RPIA: variants seen among roughly 807,000 people sequenced by gnomAD.
The protein encoded by RPIA is ribose 5-phosphate isomerase A.
A neutral mutation model predicts 37.8 loss-of-function variants in RPIA; 29 were observed. The observed-to-expected ratio is 0.77, with a 90% confidence interval of 0.57 to 1.05. The LOEUF (loss-of-function observed/expected upper bound fraction) is 1.05, where lower values mean the gene tolerates loss of function less well. Among genes scored for constraint, RPIA ranks in the 50% least tolerant of loss-of-function variants. The probability of loss-of-function intolerance (pLI) is 0.00; values close to 1 mark genes in which losing one functional copy is unlikely to be tolerated. For missense variants in RPIA, 385 were observed against 413.6 expected (o/e 0.93, Z 0.60); for synonymous variants, 167 against 157.0 (o/e 1.06, Z -0.48).
intron 3 of RPIA, among the ~76,000 whole-genome samples, chr2:88,703,350 G>A (rs1332976017): frequency 6.6e-6 from 1 of 152,230 alleles, no homozygotes; most frequent in Non-Finnish European, 1.5e-5. Context: ...AGTTCTCCAT[G>A]AGAGCCCCAC....
intron 3 of RPIA, among the ~76,000 whole-genome samples, chr2:88,710,582 A>C (rs1177182012): frequency 6.6e-6 from 1 of 152,212 alleles, no homozygotes; most frequent in East Asian, 1.9e-4. Context: ...CCAGTTGTGC[A>C]CGTAAATAAT....
At position 88,719,347 on chromosome 2, in the gene RPIA, A is replaced by C. The variant is rs182744028; in HGVS notation, c.403-9931A>C. Among the ~76,000 whole-genome samples the C allele has an allele frequency of 4.3e-4, 66 of 152,300 alleles. No homozygotes were observed. The East Asian group carries it at 6.7e-3, about 16-fold the overall frequency. ...CCATAATTTTGGAACACATACCAAT[A>C]ACATTTATACAAATACAGCCCAGAG... On this transcript the variant is annotated intron_variant, in intron 3 of 8. Coordinates refer to ENST00000283646, the MANE Select transcript of RPIA (RefSeq NM_144563.3).
At chr2:88,716,613 C>T (rs746909831) in intron 3 of RPIA, among the ~76,000 whole-genome samples, 104 of 152,236 alleles carry the variant, frequency 6.8e-4, no homozygotes, top group East Asian at 1.4e-3. Context: ...TGGCCCATTC[C>T]GGTTAACTGT....
At chr2:88,717,254 G>T (rs2104103873) in intron 3 of RPIA, among the ~76,000 whole-genome samples, 1 of 152,312 alleles carries the variant, frequency 6.6e-6, no homozygotes, top group South Asian at 2.1e-4. Context: ...AGGTAATTTA[G>T]AAAGTTTATA....
chr2:88,709,743 T>A (rs1672939541), intron 3 of RPIA, among the ~76,000 whole-genome samples: 1 of 152,298 alleles, frequency 6.6e-6, no homozygotes, highest in Admixed American at 6.5e-5. Context: ...TCAATGGAAC[T>A]CATTTAAAAA....
At chr2:88,714,133 G>T (rs1411520478) in intron 3 of RPIA, among the ~76,000 whole-genome samples, 3 of 150,904 alleles carry the variant, frequency 2.0e-5, no homozygotes, top group African/African-American at 7.3e-5. Context: ...ATTAAATTAT[G>T]TCTGTTTTCT....
At chr2:88,700,122 G>C in intron 3 of RPIA, 58 bp downstream of exon 3, 1 of 1,558,322 alleles carries the variant, frequency 6.4e-7, no homozygotes, top group Admixed American at 1.7e-5. Context: ...CTGGTTCCCC[G>C]GGGTTGTGGA....
chr2:88,691,703 A>G lies in RPIA; in HGVS notation c.5A>G (p.Gln2Arg), dbSNP rs559380161. The G allele has an allele frequency of 1.7e-4, 268 of 1,570,802 alleles. 2 individuals are homozygous for G. In the East Asian group the frequency reaches 5.8e-3, roughly 34 times the overall value. Reference sequence around the variant, plus strand: ...AGGCCGGAGCGAGGCGTCGGGATGCAGCGCCCCGGGCCCTTCAGCACCCTC... The same window carrying G: ...AGGCCGGAGCGAGGCGTCGGGATGCGGCGCCCCGGGCCCTTCAGCACCCTC... M[Q>R]RPGPFSTLYG... Residue 2 changes from glutamine (Q) to arginine (R), a missense_variant, in exon 1 of 9, where the codon CAG becomes CGG. Gln to Arg is a conservative substitution (Grantham distance 43). Around this residue, in one of 2 missense-constraint regions of RPIA, gnomAD observed 232 missense variants for 203.0 expected, o/e 1.14. Transcript: ENST00000283646.
At chr2:88,696,918 G>T (rs114043765) in intron 1 of RPIA, among the ~76,000 whole-genome samples, 1 of 152,048 alleles carries the variant, frequency 6.6e-6, no homozygotes, top group African/African-American at 2.4e-5. Context: ...TGTTATAATG[G>T]CAATTAAATT....
chr2:88,698,357 T>C (rs1483685813), intron 1 of RPIA, 127 bp from the exon 2 acceptor site: 2 of 821,594 alleles, frequency 2.4e-6, no homozygotes, highest in Non-Finnish European at 4.3e-6. Flanking sequence ...ATAGGCACAG[T>C]ACCTGTCTTG....
chr2:88,707,169 G>A (rs770179714), intron 3 of RPIA, among the ~76,000 whole-genome samples: 8 of 152,144 alleles, frequency 5.3e-5, no homozygotes, highest in Non-Finnish European at 1.0e-4. Flanking sequence ...CTCCTTGTTA[G>A]TTGAGTAGTT....
At chr2:88,703,310 C>G (rs559319698) in intron 3 of RPIA, among the ~76,000 whole-genome samples, 1 of 152,226 alleles carries the variant, frequency 6.6e-6, no homozygotes, top group African/African-American at 2.4e-5. Context: ...GCTCCAACCC[C>G]ACATTTTCCA....
chr2:88,749,972 G>T lies in RPIA; in HGVS notation c.839-9G>T. 1 of 1,603,586 alleles carries T rather than the reference G, an allele frequency of 6.2e-7. No homozygotes were observed. The highest frequency in any genetic ancestry group is 8.5e-7 in the Non-Finnish European group (1 of 1,170,886). On this transcript the variant is annotated splice_polypyrimidine_tract_variant and intron_variant, in intron 8 of 8. Transcript: ENST00000283646. ...GAAACAATGTTTCTTTCTGTCCTTTGTCCTGCAGGTGTGGTGGACACAGGC... is the reference window on the plus strand; with the variant it reads ...GAAACAATGTTTCTTTCTGTCCTTTTTCCTGCAGGTGTGGTGGACACAGGC...
intron 3 of RPIA, among the ~76,000 whole-genome samples, chr2:88,704,469 A>G (rs1399955533): frequency 6.6e-6 from 1 of 152,230 alleles, no homozygotes; most frequent in African/African-American, 2.4e-5. Context: ...TAAAACCATC[A>G]GATCTCATGA....
chr2:88,728,187 T>C (rs1382444061), intron 3 of RPIA, among the ~76,000 whole-genome samples: 2 of 152,188 alleles, frequency 1.3e-5, no homozygotes, highest in African/African-American at 4.8e-5. Context: ...TTTAATAACA[T>C]CAAATCTGGG....
At chr2:88,706,501 A>G (rs1672899592) in intron 3 of RPIA, among the ~76,000 whole-genome samples, 2 of 142,338 alleles carry the variant, frequency 1.4e-5, no homozygotes, top group African/African-American at 5.3e-5. Flanking sequence ...GGAGCTGAAC[A>G]GTGAGAACAC....
intron 5 of RPIA, 61 bp downstream of exon 5, chr2:88,734,677 A>G (rs983408048): frequency 1.3e-6 from 2 of 1,528,390 alleles, no homozygotes; most frequent in South Asian, 1.1e-5. Context: ...TAGCAAAGCA[A>G]GATGGATACA....
chr2:88,742,010 TTACTC>T (rs1206209036), intron 8 of RPIA, among the ~76,000 whole-genome samples: 3 of 152,248 alleles, frequency 2.0e-5, no homozygotes, highest in Admixed American at 6.5e-5. Flanking sequence ...GGTTGACTGT[TTACTC>T]TGCTGACTGT....
intron 8 of RPIA, among the ~76,000 whole-genome samples, chr2:88,748,028 T>C (rs1673459035): frequency 6.6e-6 from 1 of 152,232 alleles, no homozygotes; most frequent in African/African-American, 2.4e-5. Context: ...ATTTATCCTT[T>C]TGAATTTGTG....
Sources: gnomAD v4.1 joint callset for allele counts (sites outside exome capture counted in the v4.1 genomes callset) on GRCh38, gnomAD v4.1.1 for gene constraint, gnomAD v4.1.1 regional missense constraint, MANE v1.5 for transcripts, NCBI Gene and HGNC (gene_info 2026-07-23, HGNC 2026-07-21) for gene names.